PDE1C: variants seen among roughly 807,000 people sequenced by gnomAD.
The protein encoded by PDE1C is phosphodiesterase 1C.
PDE1C carries 62 observed loss-of-function variants against 93.1 expected under a neutral mutation model. The observed-to-expected ratio is 0.67, with a 90% CI of 0.54 to 0.82. The LOEUF is 0.82. Among genes scored for constraint, PDE1C ranks in the 40% least tolerant of loss-of-function variants. PDE1C has a pLI of 0.00. For missense variants in PDE1C, 742 were observed against 884.6 expected (o/e 0.84, Z 2.04); for synonymous variants, 325 against 310.1 (o/e 1.05, Z -0.50).
At position 32,309,815 on chromosome 7, in the gene PDE1C, T is replaced by A. The variant is rs1813123537; in HGVS notation, c.311-100276A>T. ...AAAACATGCCAAAATGTAAAGACCA[T>A]CAAGGCTAGGAAGAAACTGGATCAA... On this transcript the variant is annotated intron_variant, in intron 1 of 1. Coordinates refer to the PDE1C transcript ENST00000672256. Among the ~76,000 whole-genome samples the A allele has an allele frequency of 2.0e-5, 3 of 152,220 alleles. No homozygotes were observed. The South Asian group carries it at 6.2e-4, about 32-fold the overall frequency.
chr7:31,982,445 T>C (rs1812509108), intron 2 of PDE1C, among the ~76,000 whole-genome samples: 1 of 152,112 alleles, frequency 6.6e-6, no homozygotes, highest in Admixed American at 6.5e-5. Context: ...CAATAGCCTA[T>C]AAAAAGGAAG....
intron 7 of PDE1C, among the ~76,000 whole-genome samples, chr7:31,857,099 T>C (rs975370435): frequency 6.6e-6 from 1 of 152,164 alleles, no homozygotes; most frequent in African/African-American, 2.4e-5. Context: ...AGGCCATCTC[T>C]CCAAATACAG....
chr7:31,678,611 C>T, the PDE1C span, among the ~76,000 whole-genome samples: 954 of 152,218 alleles, frequency 6.3e-3, 10 homozygotes, highest in African/African-American at 0.022. Context: ...GTATCAGATA[C>T]TTCGATAGTA....
chr7:32,359,413 GTA>G (rs1479574429), intron 1 of PDE1C, among the ~76,000 whole-genome samples: 1 of 152,084 alleles, frequency 6.6e-6, no homozygotes, highest in African/African-American at 2.4e-5. Context: ...ATATGTATAT[GTA>G]TATGTATATG....
At chr7:31,632,926 C>T in the PDE1C span, among the ~76,000 whole-genome samples, 10 of 151,822 alleles carry the variant, frequency 6.6e-5, no homozygotes, top group African/African-American at 1.7e-4. Context: ...CTCACTCTGT[C>T]GCCAGGCTGG....
intron 14 of PDE1C, among the ~76,000 whole-genome samples, chr7:31,820,263 T>C (rs974364106): frequency 1.3e-5 from 2 of 152,060 alleles, no homozygotes; most frequent in African/African-American, 4.8e-5. Context: ...ATAATAGTTA[T>C]ATATGTCTAG....
At chr7:32,101,287 T>C (rs1240980432) in intron 3 of PDE1C, among the ~76,000 whole-genome samples, 2 of 152,230 alleles carry the variant, frequency 1.3e-5, no homozygotes, top group Admixed American at 1.3e-4. Flanking sequence ...CCAAGATATA[T>C]TTCTTGGCCA....
chr7:31,818,083 A>G (rs1325915859), intron 14 of PDE1C, among the ~76,000 whole-genome samples: 1 of 152,194 alleles, frequency 6.6e-6, no homozygotes, highest in Non-Finnish European at 1.5e-5. Context: ...ATTTAAACAT[A>G]CAGAGTTGAG....
chr7:32,246,103 G>A (rs1438151427), intron 1 of PDE1C, among the ~76,000 whole-genome samples: 1 of 151,328 alleles, frequency 6.6e-6, no homozygotes, highest in African/African-American at 2.4e-5. Context: ...TGAGTAGCTG[G>A]GACCACAGAT....
chr7:32,190,449 C>T (rs1225882046), intron 2 of PDE1C, among the ~76,000 whole-genome samples: 1 of 152,210 alleles, frequency 6.6e-6, no homozygotes, highest in African/African-American at 2.4e-5. Context: ...TGAGTTGGTG[C>T]TCCATAAGTA....
Position 31,752,917 on chromosome 7 carries a change from A to G in PDE1C, c.*467T>C, listed in dbSNP as rs191307662. The G allele has an allele frequency of 2.6e-5, 4 of 152,362 alleles. No homozygotes were observed. The highest frequency in any genetic ancestry group is 9.6e-5 in the African/African-American group (4 of 41,586). The allele number at this position is 152,362 out of a possible 1,614,324, so 9.4% of individuals were successfully genotyped here. A position where few individuals can be genotyped will look rare whatever the true frequency, so the allele number is the denominator to read the frequency against. ...AGTTACATATTTACTTGAATTTTAA[A>G]TAAGTGTATTTACATTTTAAATAGG... On this transcript the variant is annotated 3_prime_UTR_variant, in exon 18 of 18. Coordinates refer to ENST00000396191, the MANE Select transcript of PDE1C (RefSeq NM_001191057.4).
chr7:32,270,589 G>A (rs186682949), intron 1 of PDE1C, among the ~76,000 whole-genome samples: 17 of 152,290 alleles, frequency 1.1e-4, no homozygotes, highest in African/African-American at 3.6e-4. Context: ...AACTCTACGT[G>A]TAAGGAGCTG....
chr7:31,899,719 T>C (rs1484148122), intron 2 of PDE1C, among the ~76,000 whole-genome samples: 1 of 152,158 alleles, frequency 6.6e-6, no homozygotes, highest in African/African-American at 2.4e-5. Flanking sequence ...AAACCCTTAG[T>C]ATGAGCAGGC....
At chr7:31,999,368 G>T (rs918100760) in intron 2 of PDE1C, among the ~76,000 whole-genome samples, 2 of 152,142 alleles carry the variant, frequency 1.3e-5, no homozygotes, top group African/African-American at 4.8e-5. Context: ...TTGGGAAAAT[G>T]ATCCAACATA....
intron 2 of PDE1C, among the ~76,000 whole-genome samples, chr7:32,049,867 T>C (rs1171872779): frequency 1.3e-5 from 2 of 152,124 alleles, no homozygotes; most frequent in South Asian, 2.1e-4. Context: ...TTACAGAATA[T>C]AACAATGGAG....
chr7:32,369,799 T>C (rs1001296959), intron 1 of PDE1C, among the ~76,000 whole-genome samples: 1 of 152,124 alleles, frequency 6.6e-6, no homozygotes, highest in Non-Finnish European at 1.5e-5. Flanking sequence ...TCACACCAGT[T>C]AGAATGATGA....
At chr7:32,347,570 C>T (rs1668390) in intron 1 of PDE1C, among the ~76,000 whole-genome samples, 121,681 of 152,034 alleles carry the variant, frequency 0.8, 49,054 homozygotes, top group Admixed American at 0.85. Flanking sequence ...AAAGAAAGAG[C>T]ATCATGGGTG....
chr7:31,949,058 C>T (rs2129011995), intron 2 of PDE1C, among the ~76,000 whole-genome samples: 1 of 152,260 alleles, frequency 6.6e-6, no homozygotes, highest in South Asian at 2.1e-4. Flanking sequence ...GGAAAATCTA[C>T]AATGAGCAAA....
At chr7:32,327,322 A>G (rs1783422536) in intron 1 of PDE1C, among the ~76,000 whole-genome samples, 1 of 152,186 alleles carries the variant, frequency 6.6e-6, no homozygotes, top group African/African-American at 2.4e-5. Flanking sequence ...CCATTTTCAT[A>G]GACTGAACAC....
Sources: gnomAD v4.1 joint callset for allele counts (sites outside exome capture counted in the v4.1 genomes callset) on GRCh38, gnomAD v4.1.1 for gene constraint, MANE v1.5 for transcripts, NCBI Gene and HGNC (gene_info 2026-07-23, HGNC 2026-07-21) for gene names.